BMP7: variants seen among roughly 807,000 people sequenced by gnomAD.
BMP7 encodes the protein osteogenic protein 1.
A neutral mutation model predicts 41.2 loss-of-function variants in BMP7; 12 were observed. The observed-to-expected ratio is 0.29, with a 90% CI of 0.19 to 0.47. The LOEUF (loss-of-function observed/expected upper bound fraction) is 0.47. Ranked by LOEUF, BMP7 falls within the 20% of genes least tolerant of loss-of-function variation. The probability of loss-of-function intolerance (pLI) is 0.99; values close to 1 mark genes in which losing one functional copy is unlikely to be tolerated. For missense variants in BMP7, 467 were observed against 606.0 expected (o/e 0.77, Z 2.41); for synonymous variants, 248 against 250.0 (o/e 0.99, Z 0.07).
At chr20:57,200,873 A>G (rs74392263) in intron 3 of BMP7, among the ~76,000 whole-genome samples, 11,983 of 152,286 alleles carry the variant, frequency 0.079, 624 homozygotes, top group Non-Finnish European at 0.11. Context: ...CGACCTACAC[A>G]CCAAGGTTTC....
intron 2 of BMP7, among the ~76,000 whole-genome samples, chr20:57,218,420 G>C (rs1453690023): frequency 6.6e-6 from 1 of 151,952 alleles, no homozygotes; most frequent in Non-Finnish European, 1.5e-5. Flanking sequence ...GCTGGTGTTT[G>C]TTTGGTGGTA....
intron 1 of BMP7, among the ~76,000 whole-genome samples, chr20:57,232,759 C>T (rs1043794189): frequency 6.6e-6 from 1 of 151,184 alleles, no homozygotes; most frequent in African/African-American, 2.4e-5. Flanking sequence ...GAAGCAGGAA[C>T]GACAATGTTA....
At position 57,216,496 on chromosome 20, in the gene BMP7, T is replaced by C. The variant is rs1600628178; in HGVS notation, c.611+11733A>G. On this transcript the variant is annotated intron_variant, in intron 2 of 6. Transcript: ENST00000395863. ...TGCACCTGAGGACGAGGGCGCTGTCTCCTGAGGGCGAGGGGGCTGTCTCCT... is the reference window on the plus strand; with the variant it reads ...TGCACCTGAGGACGAGGGCGCTGTCCCCTGAGGGCGAGGGGGCTGTCTCCT... 4.7e-5 allele frequency among the ~76,000 whole-genome samples: 7 copies of C among 149,516 alleles called. 1 individual carries two copies. Among genetic ancestry groups the C allele is most frequent in the Admixed American group, 4.6e-4 (7 of 15,060 alleles).
chr20:57,222,174 C>T (rs891614296), intron 2 of BMP7, among the ~76,000 whole-genome samples: 1 of 152,178 alleles, frequency 6.6e-6, no homozygotes, highest in Non-Finnish European at 1.5e-5. Flanking sequence ...GCTGAGCCCC[C>T]GCCCGCCGCA....
chr20:57,172,530 T>A (rs990314292), intron 6 of BMP7, among the ~76,000 whole-genome samples: 1 of 152,110 alleles, frequency 6.6e-6, no homozygotes, highest in Non-Finnish European at 1.5e-5. Flanking sequence ...GGGTGGATGA[T>A]CAGTAGGCAG....
chr20:57,177,815 C>T (rs1983967747), intron 4 of BMP7: 1 of 152,204 alleles, frequency 6.6e-6, no homozygotes, highest in Non-Finnish European at 1.5e-5. Flanking sequence ...GGGCTCCAGG[C>T]TTTGGGGCAG....
At chr20:57,251,045 G>A (rs1294492957) in intron 1 of BMP7, among the ~76,000 whole-genome samples, 1 of 152,230 alleles carries the variant, frequency 6.6e-6, no homozygotes, top group East Asian at 1.9e-4. Context: ...TCCCACCACG[G>A]TGGGTAACAG....
At chr20:57,181,759 AC>A (rs1166604034) in intron 4 of BMP7, among the ~76,000 whole-genome samples, 1 of 151,630 alleles carries the variant, frequency 6.6e-6, no homozygotes, top group African/African-American at 2.4e-5. Flanking sequence ...ACTCATCTCC[AC>A]CCCTCTGTGC....
chr20:57,180,707 C>G (rs1984060881), intron 4 of BMP7, among the ~76,000 whole-genome samples: 1 of 152,000 alleles, frequency 6.6e-6, no homozygotes, highest in Non-Finnish European at 1.5e-5. Context: ...GATCAAAGAC[C>G]CCTTTGAGAA....
chr20:57,202,655 C>T (rs200781040), intron 2 of BMP7, 32 bp from the exon 3 acceptor site: 80 of 1,417,740 alleles, frequency 5.6e-5, no homozygotes, highest in African/African-American at 1.3e-4. Flanking sequence ...ACGGGCTTCG[C>T]GTTAGCCAGG....
intron 2 of BMP7, among the ~76,000 whole-genome samples, 198 bp from the exon 3 acceptor site, chr20:57,202,821 A>C (rs1984654765): frequency 6.6e-6 from 1 of 152,152 alleles, no homozygotes; most frequent in African/African-American, 2.4e-5. Context: ...AGTGCAGAAG[A>C]GCTACAAAGA....
Position 57,254,690 on chromosome 20 carries a change from C to A in BMP7, c.418+11015G>T, listed in dbSNP as rs183946399. Reference sequence around the variant, plus strand: ...AAACAAAAACAAAAAGAAGTCCCTGCGCTGGGGCGACTATTCCATATCCCC... The same window carrying A: ...AAACAAAAACAAAAAGAAGTCCCTGAGCTGGGGCGACTATTCCATATCCCC... On this transcript the variant is annotated intron_variant, in intron 1 of 6. Coordinates refer to ENST00000395863, the MANE Select transcript of BMP7 (RefSeq NM_001719.3). Among the ~76,000 whole-genome samples the A allele has an allele frequency of 4.1e-3, 618 of 151,784 alleles. 17 individuals carry two copies. The highest frequency in any genetic ancestry group is 2.5e-3 in the Non-Finnish European group (167 of 67,848).
chr20:57,260,020 G>A (rs528723606), intron 1 of BMP7, among the ~76,000 whole-genome samples: 2 of 152,224 alleles, frequency 1.3e-5, no homozygotes, highest in Admixed American at 6.5e-5. Flanking sequence ...ACTAATAGCC[G>A]CGGTCGTACA....
intron 3 of BMP7, among the ~76,000 whole-genome samples, chr20:57,197,882 G>A (rs996873348): frequency 1.3e-5 from 2 of 152,186 alleles, no homozygotes; most frequent in Admixed American, 1.3e-4. Flanking sequence ...GACAGGGGCA[G>A]GGGTGCCAGA....
intron 1 of BMP7, among the ~76,000 whole-genome samples, chr20:57,237,376 C>CTGAAA (rs1015406818): frequency 1.9e-4 from 29 of 152,324 alleles, no homozygotes; most frequent in African/African-American, 7.0e-4. Context: ...CTCGCTCTTT[C>CTGAAA]CCTGGAGGGC....
At chr20:57,184,841 G>T (rs1984174791) in intron 3 of BMP7, among the ~76,000 whole-genome samples, 1 of 152,166 alleles carries the variant, frequency 6.6e-6, no homozygotes, top group Admixed American at 6.5e-5. Context: ...AGGCAAGGAG[G>T]GATTCCTCCC....
At chr20:57,172,530 T>C (rs990314292) in intron 6 of BMP7, among the ~76,000 whole-genome samples, 4 of 152,110 alleles carry the variant, frequency 2.6e-5, no homozygotes, top group Admixed American at 2.6e-4. Flanking sequence ...GGGTGGATGA[T>C]CAGTAGGCAG....
At chr20:57,245,635 A>ATTTTTT (rs565788005) in intron 1 of BMP7, among the ~76,000 whole-genome samples, 1 of 118,634 alleles carries the variant, frequency 8.4e-6, no homozygotes, top group Non-Finnish European at 1.7e-5. Context: ...GTGATTAGTG[A>ATTTTTT]TTTTTTTTTT....
intron 1 of BMP7, among the ~76,000 whole-genome samples, chr20:57,252,458 G>T (rs908770895): frequency 5.3e-5 from 8 of 152,198 alleles, no homozygotes; most frequent in African/African-American, 1.7e-4. Flanking sequence ...GGGGAACAAG[G>T]TAAGAGAGAG....
Sources: gnomAD v4.1 joint callset for allele counts (sites outside exome capture counted in the v4.1 genomes callset) on GRCh38, gnomAD v4.1.1 for gene constraint, MANE v1.5 for transcripts, NCBI Gene and HGNC (gene_info 2026-07-23, HGNC 2026-07-21) for gene names.